The following EIF4G3 variants were observed in gnomAD, a reference collection of about 807,000 sequenced individuals.
EIF4G3 encodes eIF-4-gamma 3.
In EIF4G3, 34 loss-of-function variants were observed where a neutral mutation model predicts 186.4. The observed-to-expected ratio is 0.18, with a 90% CI of 0.14 to 0.24. The LOEUF (loss-of-function observed/expected upper bound fraction) is 0.24, where lower values mean the gene tolerates loss of function less well. EIF4G3 is among the 10% of genes least tolerant of loss of function. EIF4G3 has a pLI of 1.00. For synonymous variants in EIF4G3, 673 were observed against 679.5 expected (o/e 0.99, Z 0.15); for missense variants, 1,536 against 1,948.5 (o/e 0.79, Z 3.99).
intron 3 of EIF4G3, among the ~76,000 whole-genome samples, chr1:21,055,748 A>C (rs2094533363): frequency 6.6e-6 from 1 of 152,122 alleles, no homozygotes; most frequent in Non-Finnish European, 1.5e-5. Flanking sequence ...GCAACCAATG[A>C]GAAAATGAAG....
At chr1:21,050,799 TTTAGAAAAACAAAAATGATGCC>T in intron 4 of EIF4G3, 45 bp downstream of exon 4, 1 of 674,660 alleles carries the variant, frequency 1.5e-6, no homozygotes, top group Non-Finnish European at 2.7e-6. Flanking sequence ...TAGGAGTCTC[TTTAGAAAAACAAAAATGATGCC>T]TTTACAGGGA....
chr1:20,975,057 GT>G (rs1386989320), intron 10 of EIF4G3, among the ~76,000 whole-genome samples: 1 of 152,044 alleles, frequency 6.6e-6, no homozygotes, highest in African/African-American at 2.4e-5. Flanking sequence ...CCAGAATTCT[GT>G]AGGTATCAAT....
chr1:20,980,148 T>A (rs752749903), intron 10 of EIF4G3, among the ~76,000 whole-genome samples, 186 bp downstream of exon 10: 16 of 151,754 alleles, frequency 1.1e-4, no homozygotes, highest in Non-Finnish European at 2.2e-4. Context: ...CCAGCCTGAC[T>A]AACATAATGA....
At chr1:21,127,151 G>A (rs760805975) in intron 2 of EIF4G3, among the ~76,000 whole-genome samples, 9 of 151,920 alleles carry the variant, frequency 5.9e-5, no homozygotes, top group South Asian at 2.1e-4. Context: ...CCTCACACCC[G>A]GCTAATTTTA....
chr1:21,149,986 T>G (rs941949309), intron 2 of EIF4G3, among the ~76,000 whole-genome samples: 1 of 152,258 alleles, frequency 6.6e-6, no homozygotes, highest in African/African-American at 2.4e-5. Context: ...CCCCCACTAA[T>G]GCTGTAAATT....
chr1:20,887,264 A>C (rs1168987938), intron 18 of EIF4G3, among the ~76,000 whole-genome samples: 1 of 151,732 alleles, frequency 6.6e-6, no homozygotes, highest in East Asian at 1.9e-4. Context: ...GCTAGCCATT[A>C]GATTTCAAGA....
chr1:21,062,316 T>C lies in EIF4G3; in HGVS notation c.-195-11322A>G, dbSNP rs575376605. 2.0e-5 allele frequency among the ~76,000 whole-genome samples: 3 copies of C among 152,216 alleles called. No homozygotes were observed. The South Asian group carries it at 6.2e-4, about 32-fold the overall frequency. Reference sequence around the variant, plus strand: ...CTCAAGCAATCCTCCCACCTCAGCCTCCCAAAGTACTGGGATTACAGGCAT... The same window carrying C: ...CTCAAGCAATCCTCCCACCTCAGCCCCCCAAAGTACTGGGATTACAGGCAT... On this transcript the variant is annotated intron_variant, in intron 3 of 36. Transcript: ENST00000602326.
chr1:21,122,303 T>C (rs1416354850), intron 2 of EIF4G3, among the ~76,000 whole-genome samples: 1 of 124,960 alleles, frequency 8.0e-6, no homozygotes, highest in Non-Finnish European at 1.8e-5. Flanking sequence ...GAAAACTCCT[T>C]TATACGAAAA....
intron 4 of EIF4G3, among the ~76,000 whole-genome samples, chr1:21,042,302 G>A (rs188821698): frequency 3.3e-5 from 5 of 151,918 alleles, no homozygotes; most frequent in East Asian, 3.8e-4. Context: ...TCTAATAGTC[G>A]TTCTATATAT....
At position 21,077,752 on chromosome 1, in the gene EIF4G3, T is replaced by C. The variant is rs184890675; in HGVS notation, c.-196+11386A>G. ...AAAATTAGCCAGGCGTGGTGGCGCA[T>C]GCCTGTAATCCCAGATACTCAGGAG... On this transcript the variant is annotated intron_variant, in intron 3 of 36. Coordinates refer to ENST00000602326, the MANE Select transcript of EIF4G3 (RefSeq NM_001391906.1). Among the ~76,000 whole-genome samples the C allele has an allele frequency of 1.5e-3, 235 of 151,746 alleles. 1 individual carries two copies. Among genetic ancestry groups the C allele is most frequent in the Non-Finnish European group, 2.6e-3 (175 of 67,922 alleles).
At chr1:20,865,980 T>C (rs1571897581) in intron 20 of EIF4G3, among the ~76,000 whole-genome samples, 1 of 152,186 alleles carries the variant, frequency 6.6e-6, no homozygotes, top group East Asian at 1.9e-4. Context: ...TATGAACATA[T>C]TTAGAATATA....
intron 29 of EIF4G3, among the ~76,000 whole-genome samples, chr1:20,844,559 G>A (rs1391286145): frequency 2.0e-5 from 3 of 151,872 alleles, no homozygotes; most frequent in Non-Finnish European, 4.4e-5. Context: ...CCTTTGTCGG[G>A]GGCCGGGCAT....
intron 3 of EIF4G3, among the ~76,000 whole-genome samples, chr1:21,080,147 A>G (rs894195821): frequency 6.7e-6 from 1 of 149,370 alleles, no homozygotes; most frequent in African/African-American, 2.5e-5. Flanking sequence ...TAAGACTCCA[A>G]CTAAAAAAAA....
At chr1:20,975,977 A>G (rs547453902) in intron 10 of EIF4G3, among the ~76,000 whole-genome samples, 1 of 152,114 alleles carries the variant, frequency 6.6e-6, no homozygotes, top group East Asian at 1.9e-4. Context: ...AAAACCTGAG[A>G]TATTTACTAT....
At chr1:20,822,097 C>T (rs894910923) in intron 33 of EIF4G3, among the ~76,000 whole-genome samples, 1 of 152,020 alleles carries the variant, frequency 6.6e-6, no homozygotes, top group Admixed American at 6.6e-5. Context: ...AGGCTGGTCT[C>T]GAACTCCTGA....
intron 14 of EIF4G3, among the ~76,000 whole-genome samples, chr1:20,940,991 A>T (rs984030953): frequency 6.6e-6 from 1 of 152,264 alleles, no homozygotes; most frequent in African/African-American, 2.4e-5. Flanking sequence ...ACAGCATTAT[A>T]TTTTCAAAAA....
chr1:21,171,301 C>G (rs1195354764), intron 2 of EIF4G3, among the ~76,000 whole-genome samples: 1 of 152,210 alleles, frequency 6.6e-6, no homozygotes, highest in Non-Finnish European at 1.5e-5. Flanking sequence ...TGTCTCACCA[C>G]AGCACCACGG....
At chr1:20,925,688 C>T (rs886865594) in intron 14 of EIF4G3, among the ~76,000 whole-genome samples, 30 of 152,162 alleles carry the variant, frequency 2.0e-4, no homozygotes, top group African/African-American at 6.3e-4. Context: ...CATGCGCCAC[C>T]AAGCCTGGCT....
At chr1:20,918,687 T>C (rs935045603) in intron 14 of EIF4G3, among the ~76,000 whole-genome samples, 5 of 149,362 alleles carry the variant, frequency 3.3e-5, no homozygotes, top group Admixed American at 6.7e-5. Flanking sequence ...CTTTTAAATA[T>C]ATCCTCCTAG....
Sources: allele counts gnomAD v4.1 joint callset (sites outside exome capture counted in the v4.1 genomes callset), GRCh38; gene constraint gnomAD v4.1.1; transcripts MANE v1.5; gene names NCBI Gene and HGNC (gene_info 2026-07-23, HGNC 2026-07-21).